AKAP19: variants seen among roughly 807,000 people sequenced by gnomAD.
AKAP19 encodes the protein A-kinase anchoring protein 19.
At chr2:190,182,021 A>T in the AKAP19 span, among the ~76,000 whole-genome samples, 1 of 152,240 alleles carries the variant, frequency 6.6e-6, no homozygotes, top group South Asian at 2.1e-4. Context: ...AATTATAATC[A>T]TTACTTATTT....
At chr2:190,154,151 T>G in the AKAP19 span, among the ~76,000 whole-genome samples, 1 of 152,214 alleles carries the variant, frequency 6.6e-6, no homozygotes, top group East Asian at 1.9e-4. Flanking sequence ...ATCTACTAAT[T>G]TCTATGGTAA....
the AKAP19 span, among the ~76,000 whole-genome samples, chr2:189,910,408 T>C: frequency 6.6e-6 from 1 of 152,022 alleles, no homozygotes; most frequent in Admixed American, 6.5e-5. Context: ...GATTCACAGA[T>C]AGCAGTATTG....
At chr2:190,126,710 T>C in the AKAP19 span, among the ~76,000 whole-genome samples, 1 of 151,594 alleles carries the variant, frequency 6.6e-6, no homozygotes, top group African/African-American at 2.4e-5. Context: ...ATAAAGCAAA[T>C]AGATTTTGAC....
At chr2:190,008,910 A>G in the AKAP19 span, among the ~76,000 whole-genome samples, 2 of 152,122 alleles carry the variant, frequency 1.3e-5, no homozygotes, top group Admixed American at 6.6e-5. Context: ...GGGGATTGCA[A>G]TTTTAAATAG....
chr2:190,018,184 G>T, the AKAP19 span, among the ~76,000 whole-genome samples: 1 of 151,884 alleles, frequency 6.6e-6, no homozygotes, highest in Non-Finnish European at 1.5e-5. Context: ...CTCAATATTT[G>T]TGCCTTTCCC....
chr2:189,952,481 A>T, the AKAP19 span, among the ~76,000 whole-genome samples: 1 of 152,102 alleles, frequency 6.6e-6, no homozygotes, highest in Admixed American at 6.5e-5. Flanking sequence ...TAGAAGTCAT[A>T]TTATGAAGAT....
the AKAP19 span, chr2:189,917,246 C>T: frequency 8.1e-7 from 1 of 1,230,472 alleles, no homozygotes; most frequent in African/African-American, 1.6e-5. Context: ...CAAGCTTTTA[C>T]AAACACTGTC....
chr2:190,021,610 C>A, the AKAP19 span, among the ~76,000 whole-genome samples: 1 of 152,200 alleles, frequency 6.6e-6, no homozygotes, highest in Non-Finnish European at 1.5e-5. Flanking sequence ...TGAGCCCATG[C>A]TTTTCTTGGG....
At chr2:190,042,292 A>G in the AKAP19 span, among the ~76,000 whole-genome samples, 1 of 151,924 alleles carries the variant, frequency 6.6e-6, no homozygotes, top group African/African-American at 2.4e-5. Flanking sequence ...TAGGTTTTCT[A>G]GTTTGTGTGC....
At chr2:189,925,989 T>C in the AKAP19 span, among the ~76,000 whole-genome samples, 1 of 152,218 alleles carries the variant, frequency 6.6e-6, no homozygotes, top group South Asian at 2.1e-4. Flanking sequence ...CATGAAGTAA[T>C]GATGGAAACT....
At chr2:190,027,591 A>C in the AKAP19 span, among the ~76,000 whole-genome samples, 1 of 152,234 alleles carries the variant, frequency 6.6e-6, no homozygotes, top group African/African-American at 2.4e-5. Flanking sequence ...AGTAGTACAT[A>C]AAAGGTGAAA....
At chr2:190,012,755 A>G in the AKAP19 span, among the ~76,000 whole-genome samples, 1 of 152,206 alleles carries the variant, frequency 6.6e-6, no homozygotes, top group South Asian at 2.1e-4. Flanking sequence ...CTTGTCATAT[A>G]TGGCCTTTAT....
At chr2:189,910,932 T>C in the AKAP19 span, among the ~76,000 whole-genome samples, 2 of 152,096 alleles carry the variant, frequency 1.3e-5, no homozygotes, top group Non-Finnish European at 2.9e-5. Flanking sequence ...AGGAGAGGCA[T>C]AGTTTATTCC....
At chr2:189,934,426 G>A in the AKAP19 span, among the ~76,000 whole-genome samples, 1 of 151,860 alleles carries the variant, frequency 6.6e-6, no homozygotes, top group Non-Finnish European at 1.5e-5. Context: ...TTCATGCATT[G>A]TTAATGATTT....
chr2:190,181,756 T>A, the AKAP19 span, among the ~76,000 whole-genome samples: 1 of 152,214 alleles, frequency 6.6e-6, no homozygotes, highest in Non-Finnish European at 1.5e-5. Context: ...CTAGTGTATG[T>A]GGCAGCTCTC....
the AKAP19 span, among the ~76,000 whole-genome samples, chr2:189,891,518 C>T: frequency 3.3e-5 from 5 of 151,908 alleles, no homozygotes; most frequent in Admixed American, 6.6e-5. Context: ...CCACCAAACC[C>T]GGCCGAAAAT....
chr2:189,903,079 T>C, the AKAP19 span, among the ~76,000 whole-genome samples: 5 of 152,034 alleles, frequency 3.3e-5, no homozygotes, highest in East Asian at 9.6e-4. Flanking sequence ...AAAATTTGAA[T>C]TGAAAGCCAT....
chr2:190,152,048 G>C, the AKAP19 span, among the ~76,000 whole-genome samples: 9 of 151,530 alleles, frequency 5.9e-5, 1 homozygote, highest in Non-Finnish European at 1.0e-4. Context: ...TCTTGGCCAG[G>C]CTCCATGGCT....
the AKAP19 span, among the ~76,000 whole-genome samples, chr2:190,172,207 T>C: frequency 5.5e-4 from 84 of 152,346 alleles, no homozygotes; most frequent in Non-Finnish European, 1.1e-3. Flanking sequence ...GATTGTCTCA[T>C]GGTTCAGATC....
Sources: allele counts gnomAD v4.1 joint callset (sites outside exome capture counted in the v4.1 genomes callset), GRCh38; gene constraint gnomAD v4.1.1; transcripts MANE v1.5; gene names NCBI Gene and HGNC (gene_info 2026-07-23, HGNC 2026-07-21).